The following NCKAP5 variants were observed in gnomAD, a reference collection of about 807,000 sequenced individuals.
The protein encoded by NCKAP5 is nck-associated protein 5.
NCKAP5 carries 92 observed loss-of-function variants against 167.0 expected under a neutral mutation model. That is an observed-to-expected ratio of 0.55 (90% CI 0.47 to 0.66). The LOEUF is 0.66. Among genes scored for constraint, NCKAP5 ranks in the 30% least tolerant of loss-of-function variants. The pLI, the probability that NCKAP5 is intolerant of heterozygous loss-of-function variation, is 0.00. For missense variants in NCKAP5, 2,378 were observed against 2,315.0 expected (o/e 1.03, Z -0.56); for synonymous variants, 891 against 877.4 (o/e 1.02, Z -0.27).
intron 5 of NCKAP5, among the ~76,000 whole-genome samples, chr2:133,146,074 TTAAAAAGCAACATCTAGA>T (rs1376668731): frequency 2.6e-5 from 4 of 151,834 alleles, no homozygotes; most frequent in Non-Finnish European, 5.9e-5. Flanking sequence ...GATGAAGTTA[TTAAAAAGCAACATCTAGA>T]TAAAAAGCAA....
chr2:132,731,695 G>C (rs769408813), intron 17 of NCKAP5, 42 bp downstream of exon 17: 2 of 1,509,192 alleles, frequency 1.3e-6, no homozygotes, highest in Admixed American at 2.3e-5. Context: ...CCTTTTTTTT[G>C]TCAGCAAATG....
chr2:132,887,080 T>C (rs1480319500), intron 8 of NCKAP5, among the ~76,000 whole-genome samples: 1 of 152,178 alleles, frequency 6.6e-6, no homozygotes, highest in Non-Finnish European at 1.5e-5. Context: ...TATAAAATTA[T>C]TTATTTCCTT....
chr2:132,756,246 A>C (rs1680543669), intron 16 of NCKAP5, among the ~76,000 whole-genome samples: 1 of 152,194 alleles, frequency 6.6e-6, no homozygotes, highest in South Asian at 2.1e-4. Flanking sequence ...CAAATTTTCT[A>C]GTGTACTTAG....
chr2:133,665,762 G>A, the NCKAP5 span, among the ~76,000 whole-genome samples: 1 of 152,130 alleles, frequency 6.6e-6, no homozygotes, highest in Non-Finnish European at 1.5e-5. Flanking sequence ...ATAAAACAAA[G>A]TATCCCTGTG....
In NCKAP5 at chr2:132,963,753, G is replaced by T; in HGVS notation, c.546C>A (p.Thr182=). The T allele has an allele frequency of 1.9e-6, 3 of 1,613,796 alleles. No homozygotes were observed. Among genetic ancestry groups the T allele is most frequent in the East Asian group, 2.2e-5 (1 of 44,870 alleles). ...SSSTDEGKEK[T]KLLLERLKAL... ...CTTTCAATCTCTCTAATAGCAATTT[G>T]GTCTTTTCTTTTCCCTCATCTGTAC... is the stretch of plus-strand genomic sequence containing the variant. The change falls in exon 8 of 20, where the codon ACC becomes ACA. Residue 182 remains threonine (T), a synonymous_variant. Coordinates refer to ENST00000409261, the MANE Select transcript of NCKAP5 (RefSeq NM_207363.3).
At chr2:132,713,155 A>C (rs778956214) in intron 19 of NCKAP5, among the ~76,000 whole-genome samples, 10 of 152,192 alleles carry the variant, frequency 6.6e-5, no homozygotes, top group Non-Finnish European at 1.3e-4. Flanking sequence ...GATGAACAAA[A>C]AAAAAAATCA....
intron 7 of NCKAP5, among the ~76,000 whole-genome samples, chr2:132,992,691 T>C (rs777850766): frequency 2.0e-5 from 3 of 152,190 alleles, no homozygotes; most frequent in Non-Finnish European, 2.9e-5. Flanking sequence ...TTTTTTCCCT[T>C]TCTTTAGGTG....
intron 16 of NCKAP5, among the ~76,000 whole-genome samples, chr2:132,745,909 TA>T: frequency 6.6e-6 from 1 of 152,142 alleles, no homozygotes; most frequent in East Asian, 1.9e-4. Flanking sequence ...CAAAACATTG[TA>T]GAGATAAATT....
the NCKAP5 span, among the ~76,000 whole-genome samples, chr2:133,647,660 A>C: frequency 7.5e-6 from 1 of 133,648 alleles, no homozygotes. Context: ...AGAGAGAGGG[A>C]GAGAGAGAGG....
intron 17 of NCKAP5, among the ~76,000 whole-genome samples, chr2:132,729,546 A>T (rs1558979996): frequency 6.6e-6 from 1 of 152,152 alleles, no homozygotes; most frequent in Non-Finnish European, 1.5e-5. Flanking sequence ...GCTTTTGTTC[A>T]TGTGCATGCT....
At chr2:133,100,020 G>A (rs189526803) in intron 6 of NCKAP5, among the ~76,000 whole-genome samples, 6 of 152,292 alleles carry the variant, frequency 3.9e-5, no homozygotes, top group South Asian at 2.1e-4. Context: ...TTGAATATGC[G>A]TTCTCAGTGT....
At chr2:133,509,247 G>T (rs887696433) in intron 3 of NCKAP5, among the ~76,000 whole-genome samples, 1 of 152,128 alleles carries the variant, frequency 6.6e-6, no homozygotes, top group African/African-American at 2.4e-5. Context: ...ATATATCAAA[G>T]AATTCAAAGC....
intron 4 of NCKAP5, among the ~76,000 whole-genome samples, chr2:133,264,508 G>A (rs2089083685): frequency 6.6e-6 from 1 of 152,140 alleles, no homozygotes; most frequent in African/African-American, 2.4e-5. Flanking sequence ...CCCACCCCCG[G>A]GGGCCTACAA....
At chr2:132,778,075 A>G (rs1682703777) in intron 15 of NCKAP5, among the ~76,000 whole-genome samples, 1 of 152,112 alleles carries the variant, frequency 6.6e-6, no homozygotes, top group African/African-American at 2.4e-5. Flanking sequence ...ATCTACAGGA[A>G]AGAAGAACTT....
chr2:133,268,932 G>A (rs928515803), intron 4 of NCKAP5: 1 of 152,292 alleles, frequency 6.6e-6, no homozygotes, highest in South Asian at 2.1e-4. Flanking sequence ...GTATCATGCT[G>A]GTGACTAATT....
At chr2:133,297,842 T>C (rs1185161368) in intron 4 of NCKAP5, among the ~76,000 whole-genome samples, 2 of 152,126 alleles carry the variant, frequency 1.3e-5, no homozygotes, top group African/African-American at 4.8e-5. Context: ...CAATGACAAA[T>C]AGCCCACTCC....
rs541387343 is a variant in NCKAP5 at position 133,052,633 on chromosome 2, G to A, written c.342-58394C>T. Among the ~76,000 whole-genome samples the A allele has an allele frequency of 2.0e-5, 3 of 151,664 alleles. No homozygotes were observed. In the South Asian group the frequency reaches 6.2e-4, roughly 32 times the overall value. On this transcript the variant is annotated intron_variant, in intron 6 of 19. Transcript: ENST00000409261. ...CCCAAGAGACTCAGGCAGGAGAATC[G>A]CTTGAACCCGGGAGGCAGAGGTTGC...
intron 3 of NCKAP5, among the ~76,000 whole-genome samples, chr2:133,354,021 T>C (rs1025493598): frequency 4.6e-5 from 7 of 152,164 alleles, no homozygotes; most frequent in Non-Finnish European, 7.4e-5. Flanking sequence ...CATCTGTGAA[T>C]GGCAGGCTAA....
At chr2:132,794,818 G>A (rs564300712) in intron 12 of NCKAP5, among the ~76,000 whole-genome samples, 2 of 152,244 alleles carry the variant, frequency 1.3e-5, no homozygotes, top group South Asian at 4.1e-4. Flanking sequence ...TTAGGCAATA[G>A]CCAAAAGTGG....
Sources: gnomAD v4.1 joint callset for allele counts (sites outside exome capture counted in the v4.1 genomes callset) on GRCh38, gnomAD v4.1.1 for gene constraint, MANE v1.5 for transcripts, NCBI Gene and HGNC (gene_info 2026-07-23, HGNC 2026-07-21) for gene names.